Variants in ZNF732 observed in about 807,000 individuals in gnomAD.
ZNF732 encodes the protein zinc finger protein LOC654254.
In ZNF732, 12 loss-of-function variants were observed where a neutral mutation model predicts 11.5. The observed-to-expected ratio is 1.05, with a 90% CI of 0.67 to 1.70. The LOEUF is 1.70. Among genes scored for constraint, ZNF732 ranks in the 40% most tolerant of loss-of-function variants. The probability of loss-of-function intolerance (pLI) is 0.00; values close to 1 mark genes in which losing one functional copy is unlikely to be tolerated. For missense variants in ZNF732, 702 were observed against 676.9 expected (o/e 1.04, Z -0.41); for synonymous variants, 231 against 236.5 (o/e 0.98, Z 0.21).
intron 2 of ZNF732, 147 bp from the exon 3 acceptor site, chr4:295,680 A>C (rs1202603613): frequency 2.6e-6 from 2 of 765,492 alleles, no homozygotes; most frequent in Admixed American, 6.4e-5. Context: ...AAAATATTTA[A>C]GTATTTTAAA....
rs1204415501 is a variant in ZNF732, at chr4:299,378, TATATACAC to T, written c.4-3231_4-3224del. Among the ~76,000 whole-genome samples, 9 of 104,306 alleles carry T rather than the reference TATATACAC, an allele frequency of 8.6e-5. No individual in the cohort carries two copies. In the South Asian group the frequency reaches 1.2e-3, roughly 13 times the overall value. The allele number at this position is 104,306 out of a possible 152,430, so 68.4% of individuals were successfully genotyped here. ...ACATATATACACATATGTGTATATATATATACACATATGTACACATATGTGTATATATA... is the reference window on the plus strand; with the variant it reads ...ACATATATACACATATGTGTATATATATATGTACACATATGTGTATATATA... On this transcript the variant is annotated intron_variant, in intron 1 of 3. Transcript: ENST00000419098.
intron 1 of ZNF732, 56 bp downstream of exon 1, chr4:305,252 C>T: frequency 6.3e-7 from 1 of 1,586,840 alleles, no homozygotes; most frequent in Non-Finnish European, 8.5e-7. Flanking sequence ...GCCGCCATTT[C>T]CCGCCGGTTC....
chr4:281,639 T>C (rs1439662610), intron 3 of ZNF732, among the ~76,000 whole-genome samples: 2 of 152,164 alleles, frequency 1.3e-5, no homozygotes, highest in Non-Finnish European at 2.9e-5. Context: ...GTGACCCGGA[T>C]TCCAAAGCAC....
intron 1 of ZNF732, among the ~76,000 whole-genome samples, chr4:301,771 G>GGGTGATAT (rs1720123088): frequency 6.6e-6 from 1 of 152,174 alleles, no homozygotes; most frequent in South Asian, 2.1e-4. Context: ...TAATATAAAT[G>GGGTGATAT]ACGAGTTAAT....
Position 271,903 on chromosome 4 carries a change from G to A in ZNF732, c.954C>T (p.Ser318=), listed in dbSNP as rs1428816187. ...CQECGKVFNR[S]TTLTKHNRIH... ...TTCTGTTATGTTTAGTAAGGGTTGTGGACCTATTAAAGACTTTGCCACATT... is the reference window on the plus strand; with the variant it reads ...TTCTGTTATGTTTAGTAAGGGTTGTAGACCTATTAAAGACTTTGCCACATT... The change falls in exon 4 of 4, where the codon TCC becomes TCT. Residue 318 remains serine, a synonymous_variant. Coordinates refer to ENST00000419098, the MANE Select transcript of ZNF732 (RefSeq NM_001137608.3). 1.1e-5 allele frequency: 17 copies of A among 1,612,138 alleles called. No homozygotes were observed. The highest frequency in any genetic ancestry group is 1.4e-5 in the Non-Finnish European group (16 of 1,179,234).
Position 271,913 on chromosome 4 carries a change from A to G in ZNF732, c.944T>C (p.Phe315Ser). Residue 315 changes from phenylalanine (F) to serine (S), a missense_variant, in exon 4 of 4, where the codon TTT becomes TCT. By Grantham distance (155) the Phe-to-Ser change is radical. Coordinates refer to ENST00000419098, the MANE Select transcript of ZNF732 (RefSeq NM_001137608.3). ...LYKCQECGKVFNRSTTLTKHN... is the reference protein window; with the variant it reads ...LYKCQECGKVSNRSTTLTKHN... ...TTTAGTAAGGGTTGTGGACCTATTA[A>G]AGACTTTGCCACATTCCTGACATTT... is the stretch of plus-strand genomic sequence containing the variant. The G allele has an allele frequency of 1.2e-6, 2 of 1,612,046 alleles. No individual in the cohort carries two copies. The highest frequency in any genetic ancestry group is 1.7e-6 in the Non-Finnish European group (2 of 1,178,992).
chr4:295,142 A>G (rs782648708), intron 3 of ZNF732, among the ~76,000 whole-genome samples: 62 of 152,290 alleles, frequency 4.1e-4, no homozygotes, highest in Middle Eastern at 6.8e-3. Flanking sequence ...ACATATTCCT[A>G]TGTCTCCAAA....
intron 1 of ZNF732, among the ~76,000 whole-genome samples, chr4:296,715 A>C (rs907118269): frequency 3.3e-5 from 5 of 152,178 alleles, no homozygotes; most frequent in African/African-American, 4.8e-5. Context: ...GTTTGAAAAG[A>C]GTTCATGAAT....
At chr4:291,032 A>G (rs1719833313) in intron 3 of ZNF732, among the ~76,000 whole-genome samples, 1 of 152,208 alleles carries the variant, frequency 6.6e-6, no homozygotes, top group African/African-American at 2.4e-5. Context: ...CACAGCTTCT[A>G]TCTTAACATA....
At chr4:296,654 C>T (rs781980662) in intron 1 of ZNF732, among the ~76,000 whole-genome samples, 26 of 152,200 alleles carry the variant, frequency 1.7e-4, no homozygotes, top group Non-Finnish European at 2.2e-4. Flanking sequence ...AGCTTCAATG[C>T]GCATAAAAAT....
At chr4:278,346 T>A (rs1719543955) in intron 3 of ZNF732, among the ~76,000 whole-genome samples, 1 of 152,250 alleles carries the variant, frequency 6.6e-6, no homozygotes, top group African/African-American at 2.4e-5. Context: ...TAATTATTAT[T>A]TGCAAAAGAC....
intron 3 of ZNF732, among the ~76,000 whole-genome samples, chr4:292,405 A>G (rs1371236226): frequency 1.3e-5 from 2 of 151,996 alleles, no homozygotes; most frequent in Non-Finnish European, 2.9e-5. Flanking sequence ...TAAAAATACA[A>G]AATTAGCTGG....
At chr4:273,098 A>G (rs2108651704) in intron 3 of ZNF732, among the ~76,000 whole-genome samples, 1 of 152,254 alleles carries the variant, frequency 6.6e-6, no homozygotes, top group Middle Eastern at 3.4e-3. Flanking sequence ...CTTAGGAAGG[A>G]CAGGTTGGGT....
rs371854782 is a variant in ZNF732, at chr4:271,709, A to G, written c.1148T>C (p.Ile383Thr). The G allele has an allele frequency of 6.2e-7, 1 of 1,612,770 alleles. No individual in the cohort carries two copies. Among genetic ancestry groups the G allele is most frequent in the Non-Finnish European group, 8.5e-7 (1 of 1,179,330 alleles). The change falls in exon 4 of 4, where the codon ATT becomes ACT. Residue 383 changes from isoleucine to threonine, a missense_variant. Transcript: ENST00000419098. ...QSATLNKHKS[I>T]HTGEKPYTCE... ...TGTGTAGGGTTTCTCTCCAGTATGA[A>G]TACTCTTATGTTTATTAAGGGTTGC...
In ZNF732 at chr4:278,717, G is replaced by C. The variant is rs372635095; in HGVS notation, c.227-6087C>G. 1.7e-4 allele frequency among the ~76,000 whole-genome samples: 26 copies of C among 152,310 alleles called. No individual in the cohort carries two copies. The South Asian group carries it at 5.4e-3, about 32-fold the overall frequency. On this transcript the variant is annotated intron_variant, in intron 3 of 3. Coordinates refer to ENST00000419098, the MANE Select transcript of ZNF732 (RefSeq NM_001137608.3). ...TGCCAAACAACTCATTACAAAAAGA[G>C]CTAGGGTCCCAGACCATGCCGAAGC...
rs995689678 is a variant in ZNF732 at position 272,443 on chromosome 4, G to T, written c.414C>A (p.Ser138Arg). 11 of 1,599,810 alleles carry T rather than the reference G, an allele frequency of 6.9e-6. No individual in the cohort carries two copies. Among genetic ancestry groups the T allele is most frequent in the Middle Eastern group, 1.6e-4 (1 of 6,072 alleles). Reference sequence around the variant, plus strand: ...CATGTACATTACACTGAAATATTTTGCTCTGGATAGTTGACAAGCATTGAT... The same window carrying T: ...CATGTACATTACACTGAAATATTTTTCTCTGGATAGTTGACAAGCATTGAT... The part of the protein sequence containing the change: ...EFNQCLSTIQ[S>R]KIFQCNVHVK... The change falls in exon 4 of 4, where the codon AGC becomes AGA. Residue 138 changes from serine (S) to arginine (R), a missense_variant. This residue lies in a region of ZNF732 where 596 missense variants were observed against 557.9 expected (regional missense o/e 1.07). Transcript: ENST00000419098.
chr4:297,107 A>C (rs528815202), intron 1 of ZNF732, among the ~76,000 whole-genome samples: 1 of 152,120 alleles, frequency 6.6e-6, no homozygotes, highest in Non-Finnish European at 1.5e-5. Context: ...GTCTCTACTA[A>C]AAATACAAAA....
rs374403050 is a variant in ZNF732, at chr4:271,433, C to G, written c.1424G>C (p.Arg475Thr). The G allele has an allele frequency of 4.0e-4, 634 of 1,599,250 alleles. 2 individuals are homozygous for G. The African/African-American group carries it at 7.4e-3, about 19-fold the overall frequency. Residue 475 changes from arginine to threonine, a missense_variant, in exon 4 of 4, where the codon AGA (arginine) becomes ACA (threonine). This residue lies in a region of ZNF732 where 596 missense variants were observed against 557.9 expected (regional missense o/e 1.07). Transcript: ENST00000419098. ...KKIHTGEKPY[R>T]CEECGKAFLC... Reference sequence around the variant, plus strand: ...AAAGGCTTTGCCACACTCTTCACATCTATAAGGTTTCTCTCCAGTATGAAT... The same window carrying G: ...AAAGGCTTTGCCACACTCTTCACATGTATAAGGTTTCTCTCCAGTATGAAT...
At chr4:305,224 C>G in intron 1 of ZNF732, 84 bp downstream of exon 1, 1 of 1,525,296 alleles carries the variant, frequency 6.6e-7, no homozygotes. Context: ...AGACTCCGTT[C>G]GCAGACTCCG....
Sources: allele counts gnomAD v4.1 joint callset (sites outside exome capture counted in the v4.1 genomes callset), GRCh38; gene constraint gnomAD v4.1.1; regional missense constraint gnomAD v4.1.1; transcripts MANE v1.5; gene names NCBI Gene and HGNC (gene_info 2026-07-23, HGNC 2026-07-21).